The following PTCHD4 variants were observed in gnomAD, a reference collection of about 807,000 sequenced individuals.
The protein encoded by PTCHD4 is patched domain containing 4.
PTCHD4 carries 33 observed loss-of-function variants against 58.1 expected under a neutral mutation model. That is an observed-to-expected ratio of 0.57 (90% CI 0.43 to 0.76). PTCHD4 has a LOEUF of 0.76. Ranked by LOEUF, PTCHD4 falls within the 30% of genes least tolerant of loss-of-function variation. PTCHD4 has a pLI of 0.00. For synonymous variants in PTCHD4, 478 were observed against 409.6 expected, an observed-to-expected ratio of 1.17 and a Z score of -2.02; for missense variants, 1,058 against 1,027.1, an observed-to-expected ratio of 1.03 and a Z score of -0.41.
intron 4 of PTCHD4, among the ~76,000 whole-genome samples, chr6:47,947,283 C>A (rs181094135): frequency 6.7e-4 from 102 of 152,236 alleles, no homozygotes; most frequent in Admixed American, 1.5e-3. Context: ...TATATACTAA[C>A]TTTGCCCAAT....
Position 48,015,069 on chromosome 6 carries a change from A to G in PTCHD4, c.418-5955T>C, listed in dbSNP as rs192711645. The stretch of plus-strand genomic sequence containing the variant: ...TTCTTTTCCCCAAAAACCTCCTACA[A>G]AAGTTCTGAAATTCCTTTAAGTGTA... On this transcript the variant is annotated intron_variant, in intron 3 of 4. Coordinates refer to ENST00000339488, the MANE Select transcript of PTCHD4 (RefSeq NM_001384253.1). Among the ~76,000 whole-genome samples, 9 of 150,658 alleles carry G rather than the reference A, an allele frequency of 6.0e-5. No individual in the cohort carries two copies. The East Asian group carries it at 1.7e-3, about 29-fold the overall frequency.
Position 47,873,732 on chromosome 6 carries a change from T to C in PTCHD4, c.*4571A>G, listed in dbSNP as rs1763778175. ...ACCACAGTGATGATGTTCAATTTCA[T>C]ATTGAGATTGAAGATGGGGAAATAG... On this transcript the variant is annotated 3_prime_UTR_variant, in exon 5 of 5. Transcript: ENST00000339488. Among the ~76,000 whole-genome samples, 1 of 151,668 alleles carries C rather than the reference T, an allele frequency of 6.6e-6. No homozygotes were observed. The highest frequency in any genetic ancestry group is 1.5e-5 in the Non-Finnish European group (1 of 67,758).
At chr6:48,001,062 C>T (rs532698561) in intron 4 of PTCHD4, among the ~76,000 whole-genome samples, 46 of 152,134 alleles carry the variant, frequency 3.0e-4, no homozygotes, top group African/African-American at 7.0e-4. Flanking sequence ...TGTGAAGGAC[C>T]TCTTCAAGGA....
rs1765846193 is a variant in PTCHD4, at chr6:47,932,181, G to A, written c.899-52245C>T. Among the ~76,000 whole-genome samples the A allele has an allele frequency of 2.6e-5, 4 of 152,276 alleles. No individual in the cohort carries two copies. In the South Asian group the frequency reaches 6.2e-4, roughly 24 times the overall value. ...GAGAACATCAACTCTGTAGCCAGCTGATTTCCGCCTTCACTATCCAGGAGA... is the reference window on the plus strand; with the variant it reads ...GAGAACATCAACTCTGTAGCCAGCTAATTTCCGCCTTCACTATCCAGGAGA... On this transcript the variant is annotated intron_variant, in intron 4 of 4. Coordinates refer to ENST00000339488, the MANE Select transcript of PTCHD4 (RefSeq NM_001384253.1).
rs1328972 is a variant in PTCHD4 at position 47,860,784 on chromosome 6, G to T, written c.*17519C>A. On this transcript the variant is annotated 3_prime_UTR_variant, in exon 5 of 5. Coordinates refer to ENST00000339488, the MANE Select transcript of PTCHD4 (RefSeq NM_001384253.1). ...CTAGTTTATTTCACTCATTGCTTGG[G>T]ATTTATCTACTTAAGCAAAGCAATT... is the stretch of plus-strand genomic sequence containing the variant. Among the ~76,000 whole-genome samples the T allele has an allele frequency of 0.67, 101,488 of 151,798 alleles. 34,412 individuals carry two copies. Among genetic ancestry groups the T allele is most frequent in the East Asian group, 0.78 (4,013 of 5,134 alleles).
chr6:47,878,909 G>A lies in PTCHD4; in HGVS notation c.1926C>T (p.Pro642=). 1.9e-6 allele frequency: 3 copies of A among 1,613,534 alleles called. No individual in the cohort carries two copies. The highest frequency in any genetic ancestry group is 2.2e-5 in the South Asian group (2 of 91,078). ...SKSIRFIVFN[P]SFVFMDHYSL... is the part of the protein sequence containing the mutation. ...TGTAATGGTCCATGAAGACAAAGGA[G>A]GGGTTGAACACGATGAATCGGATGC... Residue 642 remains proline, a synonymous_variant, in exon 5 of 5, where the codon CCC becomes CCT. Transcript: ENST00000339488.
rs151201257 is a variant in PTCHD4 at position 47,909,593 on chromosome 6, C to T, written c.899-29657G>A. The stretch of plus-strand genomic sequence containing the variant: ...CTCTTGAGTAACTAGAACTACCACA[C>T]GCTGGATAATTGTTTTTATTTTTAT... On this transcript the variant is annotated intron_variant, in intron 4 of 4. Transcript: ENST00000339488. 2.2e-3 allele frequency among the ~76,000 whole-genome samples: 329 copies of T among 152,072 alleles called. 1 individual carries two copies. The highest frequency in any genetic ancestry group is 2.3e-3 in the East Asian group (12 of 5,168).
At chr6:48,012,501 C>A (rs1762715536) in intron 3 of PTCHD4, among the ~76,000 whole-genome samples, 1 of 152,142 alleles carries the variant, frequency 6.6e-6, no homozygotes, top group South Asian at 2.1e-4. Context: ...TCTAAATGTA[C>A]AATAATGCCA....
intron 3 of PTCHD4, among the ~76,000 whole-genome samples, chr6:48,029,244 T>G (rs1562015420): frequency 6.6e-6 from 1 of 152,118 alleles, no homozygotes; most frequent in South Asian, 2.1e-4. Context: ...TTGATTTTTC[T>G]CTGAAAGCAT....
chr6:48,000,336 T>C (rs1480026289), intron 4 of PTCHD4, among the ~76,000 whole-genome samples: 2 of 152,210 alleles, frequency 1.3e-5, no homozygotes, highest in South Asian at 4.1e-4. Context: ...TCTTTGTATA[T>C]ACTGTAAACC....
At chr6:48,014,317 G>C (rs1211531028) in intron 3 of PTCHD4, among the ~76,000 whole-genome samples, 1 of 152,124 alleles carries the variant, frequency 6.6e-6, no homozygotes, top group African/African-American at 2.4e-5. Context: ...TTATAGAAGA[G>C]TTTATTCGCT....
intron 4 of PTCHD4, among the ~76,000 whole-genome samples, chr6:47,934,102 A>G (rs1258250624): frequency 2.6e-5 from 4 of 152,144 alleles, no homozygotes; most frequent in Non-Finnish European, 5.9e-5. Context: ...CTCTAATGAG[A>G]CAGCCAGGTG....
At chr6:47,987,690 T>C (rs912467753) in intron 4 of PTCHD4, among the ~76,000 whole-genome samples, 4 of 152,124 alleles carry the variant, frequency 2.6e-5, no homozygotes, top group Non-Finnish European at 5.9e-5. Context: ...AGATACCTTC[T>C]CCAATTCAAA....
chr6:48,095,157 C>T (rs1012677320), intron 1 of PTCHD4, among the ~76,000 whole-genome samples: 2 of 152,142 alleles, frequency 1.3e-5, no homozygotes, highest in Non-Finnish European at 2.9e-5. Flanking sequence ...GTACTTTATA[C>T]GTGTCTGTTT....
rs186936973 is a variant in PTCHD4, at chr6:48,063,069, C to T, written c.417+5161G>A. On this transcript the variant is annotated intron_variant, in intron 3 of 4. Transcript: ENST00000339488. ...CTCAATTTAGAGCATATTGTGCTAT[C>T]CCATAAATTTTTTTTTTCAGGCCAT... is the stretch of plus-strand genomic sequence containing the variant. Among the ~76,000 whole-genome samples the T allele has an allele frequency of 2.1e-3, 320 of 152,270 alleles. 1 individual carries two copies. The highest frequency in any genetic ancestry group is 6.5e-3 in the African/African-American group (272 of 41,570).
intron 3 of PTCHD4, among the ~76,000 whole-genome samples, chr6:48,035,211 C>T (rs765763756): frequency 7.2e-5 from 11 of 152,072 alleles, no homozygotes; most frequent in Non-Finnish European, 1.2e-4. Context: ...CATTGAAACA[C>T]GTACTTGGAA....
At chr6:47,933,414 G>C (rs1193989340) in intron 4 of PTCHD4, among the ~76,000 whole-genome samples, 2 of 152,140 alleles carry the variant, frequency 1.3e-5, no homozygotes, top group Non-Finnish European at 2.9e-5. Flanking sequence ...GCTCTTCAAG[G>C]GCCCACATTT....
intron 4 of PTCHD4, among the ~76,000 whole-genome samples, chr6:47,971,866 A>C (rs1767525589): frequency 6.6e-6 from 1 of 152,198 alleles, no homozygotes; most frequent in Admixed American, 6.5e-5. Flanking sequence ...AAGAGACCAG[A>C]GGGCTCCAGG....
chr6:48,087,673 T>G (rs1378713999), intron 1 of PTCHD4, among the ~76,000 whole-genome samples: 2 of 152,158 alleles, frequency 1.3e-5, no homozygotes, highest in East Asian at 3.9e-4. Context: ...AGAGCCTGGA[T>G]TCAAATTCAG....
Sources: gnomAD v4.1 joint callset for allele counts (sites outside exome capture counted in the v4.1 genomes callset) on GRCh38, gnomAD v4.1.1 for gene constraint, MANE v1.5 for transcripts, NCBI Gene and HGNC (gene_info 2026-07-23, HGNC 2026-07-21) for gene names.